The following PDE4D variants were observed in gnomAD, a reference collection of about 807,000 sequenced individuals.
PDE4D encodes 3',5'-cyclic-AMP phosphodiesterase 4D.
PDE4D carries 24 observed loss-of-function variants against 87.4 expected under a neutral mutation model. That is an observed-to-expected ratio of 0.27 (90% confidence interval 0.20 to 0.39). PDE4D has a LOEUF of 0.39. Among genes scored for constraint, PDE4D ranks in the 10% least tolerant of loss-of-function variants. The probability of loss-of-function intolerance (pLI) is 1.00; values close to 1 mark genes in which losing one functional copy is unlikely to be tolerated. For missense variants in PDE4D, 714 were observed against 1,041.0 expected, an observed-to-expected ratio of 0.69 and a Z score of 4.32; for synonymous variants, 384 against 383.2, an observed-to-expected ratio of 1.00 and a Z score of -0.02.
chr5:59,978,092 G>A (rs1204608242), intron 3 of PDE4D, among the ~76,000 whole-genome samples: 4 of 152,128 alleles, frequency 2.6e-5, no homozygotes, highest in African/African-American at 9.7e-5. Flanking sequence ...TGCACAAGGA[G>A]GTTAATGTTA....
At chr5:60,176,981 G>C (rs772502910) in intron 2 of PDE4D, among the ~76,000 whole-genome samples, 1 of 152,120 alleles carries the variant, frequency 6.6e-6, no homozygotes, top group African/African-American at 2.4e-5. Context: ...AAAGCAACAG[G>C]GGGTAGGTCA....
intron 1 of PDE4D, among the ~76,000 whole-genome samples, chr5:59,682,201 T>C (rs796299341): frequency 6.6e-6 from 1 of 152,268 alleles, no homozygotes; most frequent in African/African-American, 2.4e-5. Context: ...GGTAAGAAAT[T>C]GAGGAATAAC....
intron 1 of PDE4D, among the ~76,000 whole-genome samples, chr5:59,816,811 G>A (rs1056286055): frequency 6.6e-6 from 1 of 152,134 alleles, no homozygotes; most frequent in African/African-American, 2.4e-5. Context: ...CTACATGAAG[G>A]CCTGAGTCAA....
At chr5:59,528,892 CT>C in intron 1 of PDE4D, 1 of 336,206 alleles carries the variant, frequency 3.0e-6, no homozygotes, top group South Asian at 2.4e-5. Context: ...TCCATCGCAC[CT>C]GGCCACTCTG....
intron 1 of PDE4D, among the ~76,000 whole-genome samples, chr5:59,890,141 A>G (rs1281231569): frequency 6.6e-6 from 1 of 152,142 alleles, no homozygotes; most frequent in Non-Finnish European, 1.5e-5. Context: ...ACCTTTCTTG[A>G]TAATCCATAG....
chr5:59,234,130 A>G (rs1016537396), intron 1 of PDE4D, among the ~76,000 whole-genome samples: 3 of 152,196 alleles, frequency 2.0e-5, no homozygotes, highest in Non-Finnish European at 2.9e-5. Flanking sequence ...TCTCAAATAA[A>G]AAATCAAGTT....
At chr5:59,000,006 C>T in intron 6 of PDE4D, 1 of 733,094 alleles carries the variant, frequency 1.4e-6, no homozygotes, top group Non-Finnish European at 1.7e-6. Context: ...CATTCCAGCT[C>T]TTAGCCTATA....
intron 1 of PDE4D, among the ~76,000 whole-genome samples, chr5:59,836,031 A>T (rs1210627142): frequency 6.6e-6 from 1 of 152,052 alleles, no homozygotes; most frequent in Non-Finnish European, 1.5e-5. Context: ...AATATGCTAA[A>T]ATAAAATAAA....
chr5:59,531,091 T>C (rs1254733517), intron 1 of PDE4D, among the ~76,000 whole-genome samples: 1 of 152,232 alleles, frequency 6.6e-6, no homozygotes, highest in East Asian at 1.9e-4. Context: ...AATAAGAATG[T>C]CATCTGTGGA....
chr5:59,988,597 G>C, exon 3 of PDE4D: 1 of 1,599,360 alleles, frequency 6.3e-7, no homozygotes, highest in Non-Finnish European at 8.5e-7. Flanking sequence ...TGTTCCAACT[G>C]TCTGAAGGCG....
chr5:59,401,627 A>G (rs1189135753), intron 1 of PDE4D, among the ~76,000 whole-genome samples: 3 of 152,070 alleles, frequency 2.0e-5, no homozygotes, highest in African/African-American at 7.2e-5. Flanking sequence ...TTACACTGAA[A>G]TGTTAGGGGT....
intron 2 of PDE4D, among the ~76,000 whole-genome samples, chr5:60,073,138 G>A (rs964901304): frequency 3.9e-5 from 6 of 152,066 alleles, no homozygotes; most frequent in African/African-American, 1.4e-4. Context: ...GTATGATGTT[G>A]GCTGTGGATT....
chr5:58,988,615 T>C, intron 10 of PDE4D, 23 bp from the exon 11 acceptor site: 2 of 1,049,536 alleles, frequency 1.9e-6, no homozygotes, highest in Non-Finnish European at 2.8e-6. Context: ...ACAATATAGA[T>C]AATATTACTA....
intron 2 of PDE4D, among the ~76,000 whole-genome samples, chr5:59,205,698 A>ACACACC (rs748608669): frequency 1.4e-5 from 2 of 145,452 alleles, no homozygotes; most frequent in African/African-American, 2.5e-5. Flanking sequence ...ACACACACAC[A>ACACACC]CCAATCCACA....
At chr5:59,523,585 A>T (rs1812595356) in intron 1 of PDE4D, among the ~76,000 whole-genome samples, 1 of 152,214 alleles carries the variant, frequency 6.6e-6, no homozygotes, top group South Asian at 2.1e-4. Context: ...TACAGAAAGT[A>T]GAAAAAAAAG....
rs1021810329 is a variant in PDE4D at position 60,426,208 on chromosome 5, T to C, written c.-90+61734A>G. On this transcript the variant is annotated intron_variant, in intron 1 of 16. Coordinates refer to the PDE4D transcript ENST00000502484. ...TATATACCCAAAGGATTATAAATCATTCTACTATAAAGACATGCACACGTA... is the reference window on the plus strand; with the variant it reads ...TATATACCCAAAGGATTATAAATCACTCTACTATAAAGACATGCACACGTA... Among the ~76,000 whole-genome samples, 34 of 152,178 alleles carry C rather than the reference T, an allele frequency of 2.2e-4. 1 individual carries two copies. The highest frequency in any genetic ancestry group is 2.2e-3 in the Admixed American group (33 of 15,278).
chr5:60,217,360 TG>T (rs1385796362), intron 1 of PDE4D, among the ~76,000 whole-genome samples: 4 of 152,012 alleles, frequency 2.6e-5, no homozygotes, highest in African/African-American at 9.7e-5. Context: ...ACATTATGAA[TG>T]TTTTTATTAA....
At chr5:59,046,634 A>G (rs990522766) in intron 5 of PDE4D, among the ~76,000 whole-genome samples, 2 of 152,024 alleles carry the variant, frequency 1.3e-5, no homozygotes, top group Non-Finnish European at 2.9e-5. Context: ...CTTTCTCCCA[A>G]TCGTCAATAA....
At chr5:59,837,981 A>G (rs1165437826) in intron 1 of PDE4D, among the ~76,000 whole-genome samples, 5 of 152,128 alleles carry the variant, frequency 3.3e-5, no homozygotes, top group Admixed American at 1.3e-4. Flanking sequence ...ACTGCTCAGT[A>G]ATGATGACAA....
Sources: allele counts gnomAD v4.1 joint callset (sites outside exome capture counted in the v4.1 genomes callset), GRCh38; gene constraint gnomAD v4.1.1; transcripts MANE v1.5; gene names NCBI Gene and HGNC (gene_info 2026-07-23, HGNC 2026-07-21).